Variants in CLIC5 observed in about 807,000 individuals in gnomAD.
The protein encoded by CLIC5 is chloride intracellular channel protein 5.
CLIC5 carries 20 observed loss-of-function variants against 24.7 expected under a neutral mutation model. That is an observed-to-expected ratio of 0.81 (90% CI 0.57 to 1.18). The LOEUF (loss-of-function observed/expected upper bound fraction) is 1.18. Ranked by LOEUF, CLIC5 falls within the 50% of genes most tolerant of loss-of-function variation. CLIC5 has a pLI of 0.00. For synonymous variants in CLIC5, 159 were observed against 135.6 expected (o/e 1.17, Z -1.20); for missense variants, 341 against 326.1 (o/e 1.05, Z -0.35).
chr6:46,065,229 G>A (rs189171652), intron 1 of CLIC5, among the ~76,000 whole-genome samples: 21 of 152,006 alleles, frequency 1.4e-4, no homozygotes, highest in South Asian at 1.2e-3. Flanking sequence ...GTGAAATGCC[G>A]TGATATATTT....
intron 1 of CLIC5, among the ~76,000 whole-genome samples, chr6:46,067,103 T>C (rs77532954): frequency 0.11 from 15,968 of 152,066 alleles, 907 homozygotes; most frequent in African/African-American, 0.15. Flanking sequence ...AGTATCCAAT[T>C]TGCAATTTCG....
At chr6:46,095,447 A>T in the CLIC5 span, among the ~76,000 whole-genome samples, 4 of 152,224 alleles carry the variant, frequency 2.6e-5, no homozygotes, top group South Asian at 8.3e-4. Context: ...TATGAACATA[A>T]GTTGTTAGAA....
intron 1 of CLIC5, among the ~76,000 whole-genome samples, chr6:46,040,964 C>T (rs1210451661): frequency 6.6e-6 from 1 of 152,138 alleles, no homozygotes; most frequent in Middle Eastern, 3.4e-3. Flanking sequence ...AAAAAAATCC[C>T]CCAAATTAAA....
chr6:45,960,123 A>G (rs1764797879), intron 1 of CLIC5, among the ~76,000 whole-genome samples: 1 of 152,202 alleles, frequency 6.6e-6, no homozygotes. Context: ...CATGAACCAC[A>G]TTGGAGAACC....
At chr6:45,887,772 C>T (rs1177008785) in intron 6 of CLIC5, among the ~76,000 whole-genome samples, 3 of 152,112 alleles carry the variant, frequency 2.0e-5, no homozygotes, top group East Asian at 3.9e-4. Context: ...TATGATGTAA[C>T]ATAACGCGTA....
At chr6:46,106,139 C>T in the CLIC5 span, among the ~76,000 whole-genome samples, 397 of 152,262 alleles carry the variant, frequency 2.6e-3, 2 homozygotes, top group African/African-American at 9.2e-3. Flanking sequence ...GAGTTTCGCT[C>T]TGTCACCATG....
intron 1 of CLIC5, among the ~76,000 whole-genome samples, chr6:46,030,567 T>G (rs1257396224): frequency 6.6e-6 from 1 of 152,250 alleles, no homozygotes; most frequent in African/African-American, 2.4e-5. Flanking sequence ...TGGACTGCAC[T>G]CCCCAGAATG....
At chr6:45,920,424 A>G (rs867529423) in intron 4 of CLIC5, 4 of 490,346 alleles carry the variant, frequency 8.2e-6, no homozygotes, top group Non-Finnish European at 1.1e-5. Flanking sequence ...TGAAGTTTTT[A>G]CTTTTCATCT....
chr6:46,072,813 A>T lies in CLIC5; in HGVS notation c.540+6890T>A, dbSNP rs116021592. On this transcript the variant is annotated intron_variant, in intron 1 of 5. Transcript: ENST00000185206. The stretch of plus-strand genomic sequence containing the variant: ...ACAAGGTGTGAGTACCCAGGCAGGG[A>T]AAGTGGAAAGCATCACAGTGATAGT... Among the ~76,000 whole-genome samples the T allele has an allele frequency of 8.0e-3, 1,221 of 152,282 alleles. 19 individuals carry two copies. Among genetic ancestry groups the T allele is most frequent in the African/African-American group, 0.027 (1,109 of 41,550 alleles).
At chr6:45,983,523 C>G (rs1053139810) in intron 1 of CLIC5, among the ~76,000 whole-genome samples, 2 of 152,110 alleles carry the variant, frequency 1.3e-5, no homozygotes, top group South Asian at 2.1e-4. Flanking sequence ...CTCTGGCTAC[C>G]CTGCTCCTGC....
chr6:46,076,738 A>C (rs1424408124), intron 1 of CLIC5, among the ~76,000 whole-genome samples: 5 of 152,182 alleles, frequency 3.3e-5, no homozygotes, highest in Non-Finnish European at 7.3e-5. Context: ...GAAATAAGAA[A>C]TTAATACACC....
intron 4 of CLIC5, among the ~76,000 whole-genome samples, chr6:45,936,121 A>T (rs1763923569): frequency 6.6e-6 from 1 of 150,758 alleles, no homozygotes; most frequent in South Asian, 2.1e-4. Flanking sequence ...AACCCCTCAA[A>T]CTGCATTTTT....
At chr6:46,004,583 G>A (rs577147410) in intron 1 of CLIC5, among the ~76,000 whole-genome samples, 2 of 152,294 alleles carry the variant, frequency 1.3e-5, no homozygotes, top group African/African-American at 4.8e-5. Flanking sequence ...TGAAAAAGTT[G>A]GTAGGTTGTT....
chr6:45,925,093 TG>T (rs2127338853), intron 4 of CLIC5, among the ~76,000 whole-genome samples: 1 of 152,316 alleles, frequency 6.6e-6, no homozygotes, highest in East Asian at 1.9e-4. Flanking sequence ...CTCTACTCTC[TG>T]GACTTCTTGT....
At chr6:46,013,925 G>A (rs1369827964) in intron 1 of CLIC5, among the ~76,000 whole-genome samples, 1 of 152,180 alleles carries the variant, frequency 6.6e-6, no homozygotes, top group African/African-American at 2.4e-5. Context: ...CCTGGATGCT[G>A]GGGTTCAGAA....
At chr6:46,017,547 A>T (rs949753260), upstream of CLIC5, among the ~76,000 whole-genome samples, 1 of 152,228 alleles carries the variant, frequency 6.6e-6, no homozygotes, top group Non-Finnish European at 1.5e-5. Context: ...CTGCTCTACA[A>T]ACTGCTTTTC....
chr6:46,060,708 G>T (rs1048615715), intron 1 of CLIC5, among the ~76,000 whole-genome samples: 1 of 151,636 alleles, frequency 6.6e-6, no homozygotes, highest in Non-Finnish European at 1.5e-5. Context: ...GATCCTACCT[G>T]CCACCCTGGT....
intron 1 of CLIC5, among the ~76,000 whole-genome samples, chr6:46,072,235 A>G (rs1156678502): frequency 6.9e-6 from 1 of 144,542 alleles, no homozygotes; most frequent in Non-Finnish European, 1.5e-5. Context: ...TGAACTTAAA[A>G]GAAAAAAAAA....
the CLIC5 span, among the ~76,000 whole-genome samples, chr6:46,098,866 C>A: frequency 3.9e-5 from 6 of 152,178 alleles, no homozygotes; most frequent in African/African-American, 1.4e-4. Context: ...GGATTGAGAA[C>A]AACATGCCGA....
Sources: allele counts gnomAD v4.1 joint callset (sites outside exome capture counted in the v4.1 genomes callset), GRCh38; gene constraint gnomAD v4.1.1; transcripts MANE v1.5; gene names NCBI Gene and HGNC (gene_info 2026-07-23, HGNC 2026-07-21).